Variants in SCP2 observed in about 807,000 individuals in gnomAD.
SCP2 encodes SCP-2/3-oxoacyl-CoA thiolase.
Under a neutral mutation model 71.4 loss-of-function variants are expected in SCP2, and 48 were observed. The ratio of observed to expected loss-of-function variants is 0.67; its 90% CI spans 0.53 to 0.86. The LOEUF is 0.86. Ranked by LOEUF, SCP2 falls within the 40% of genes least tolerant of loss-of-function variation. SCP2 has a pLI of 0.00. For missense variants in SCP2, 560 were observed against 655.6 expected (o/e 0.85, Z 1.59); for synonymous variants, 220 against 218.1 (o/e 1.01, Z -0.08).
At chr1:53,010,277 G>A (rs1486704295) in intron 11 of SCP2, among the ~76,000 whole-genome samples, 4 of 152,022 alleles carry the variant, frequency 2.6e-5, no homozygotes, top group Admixed American at 6.6e-5. Flanking sequence ...CCCATTACTG[G>A]GTATATACCC....
chr1:52,995,607 A>G (rs1035740580), intron 11 of SCP2: 4 of 546,944 alleles, frequency 7.3e-6, no homozygotes, highest in African/African-American at 5.6e-5. Flanking sequence ...TGCCAAGAAC[A>G]TAATGAGACC....
chr1:53,047,773 T>C (rs1663927672), intron 14 of SCP2, 85 bp from the exon 15 acceptor site: 1 of 888,720 alleles, frequency 1.1e-6, no homozygotes, highest in Non-Finnish European at 1.9e-6. Context: ...TATAATTCTG[T>C]TGCAGTCAGT....
intron 12 of SCP2, among the ~76,000 whole-genome samples, chr1:53,026,229 C>T (rs1450529232): frequency 1.3e-5 from 2 of 152,120 alleles, no homozygotes; most frequent in Non-Finnish European, 2.9e-5. Flanking sequence ...TATCCATCAC[C>T]TTAAATATTT....
intron 11 of SCP2, among the ~76,000 whole-genome samples, chr1:52,998,179 C>T (rs569145459): frequency 6.6e-6 from 1 of 152,262 alleles, no homozygotes; most frequent in African/African-American, 2.4e-5. Flanking sequence ...CTGTTTAGGG[C>T]TGCATGAATA....
chr1:52,994,187 G>A (rs1275711289), intron 11 of SCP2: 9 of 1,033,642 alleles, frequency 8.7e-6, no homozygotes, highest in Non-Finnish European at 9.3e-6. Context: ...ATGGGACATG[G>A]AGATGTCTGG....
At chr1:53,016,429 T>G (rs762882980) in intron 12 of SCP2, among the ~76,000 whole-genome samples, 97 of 152,162 alleles carry the variant, frequency 6.4e-4, no homozygotes, top group Non-Finnish European at 1.2e-3. Flanking sequence ...GAGTAAAAAG[T>G]ATTGAATCTT....
Position 52,980,399 on chromosome 1 carries a change from G to A in SCP2, c.829G>A (p.Gly277Ser). ...TTATATATGGTTTTGGTTTTAGGTTGGCTTTGATATGAGTAAAGAAGCTGC... is the reference window on the plus strand; with the variant it reads ...TTATATATGGTTTTGGTTTTAGGTTAGCTTTGATATGAGTAAAGAAGCTGC... Reference protein sequence around the residue: ...FEEKSIIKMVGFDMSKEAARK... With the variant: ...FEEKSIIKMVSFDMSKEAARK... Residue 277 changes from glycine to serine, a missense_variant, in exon 10 of 16, where the codon GGC becomes AGC. Coordinates refer to ENST00000371514, the MANE Select transcript of SCP2 (RefSeq NM_002979.5). The A allele has an allele frequency of 2.5e-6, 4 of 1,613,826 alleles. No homozygotes were observed. Among genetic ancestry groups the A allele is most frequent in the Non-Finnish European group, 3.4e-6 (4 of 1,179,914 alleles).
At chr1:52,963,821 C>T (rs1041998674) in intron 6 of SCP2, 4 of 152,136 alleles carry the variant, frequency 2.6e-5, no homozygotes, top group Admixed American at 6.5e-5. Context: ...CCCAAATCTG[C>T]CATACTATAA....
In SCP2 at chr1:52,978,042, G is replaced by A. The variant is rs534239868; in HGVS notation, c.675-175G>A. ...GACAACATTTAAGTTCTTGATAGAG[G>A]TTCAGTCCTCAGGTGGGAAGCATGT... is the stretch of plus-strand genomic sequence containing the variant. On this transcript the variant is annotated intron_variant, in intron 8 of 15. Coordinates refer to ENST00000371514, the MANE Select transcript of SCP2 (RefSeq NM_002979.5). Among the ~76,000 whole-genome samples, 12 of 152,242 alleles carry A rather than the reference G, an allele frequency of 7.9e-5. No homozygotes were observed. The South Asian group carries it at 2.5e-3, about 32-fold the overall frequency.
intron 11 of SCP2, 80 bp from the exon 12 acceptor site, chr1:53,014,810 A>T: frequency 1.3e-6 from 2 of 1,516,062 alleles, no homozygotes; most frequent in South Asian, 2.3e-5. Flanking sequence ...CAAATGCTTT[A>T]ATTTAAAGTC....
In SCP2 at chr1:53,012,854, G is replaced by A. The variant is rs1167986705; in HGVS notation, c.1082-2036G>A. Among the ~76,000 whole-genome samples the A allele has an allele frequency of 1.3e-5, 2 of 152,060 alleles. 1 individual carries two copies. The highest frequency in any genetic ancestry group is 4.8e-5 in the African/African-American group (2 of 41,330). ...TGGTATCTATTTGATTTTTATCAAT[G>A]GTGAGATTGAGTATTTTCTCAAATA... is the stretch of plus-strand genomic sequence containing the variant. On this transcript the variant is annotated intron_variant, in intron 11 of 15. Transcript: ENST00000371514.
At chr1:53,018,503 A>G (rs1419232721) in intron 12 of SCP2, among the ~76,000 whole-genome samples, 1 of 152,130 alleles carries the variant, frequency 6.6e-6, no homozygotes, top group Non-Finnish European at 1.5e-5. Context: ...GCACTTTGGG[A>G]GGCTGAGGCG....
Position 52,994,277 on chromosome 1 carries a change from A to G in SCP2, c.1081+6141A>G, listed in dbSNP as rs1053071788. On this transcript the variant is annotated intron_variant, in intron 11 of 15. Coordinates refer to ENST00000371514, the MANE Select transcript of SCP2 (RefSeq NM_002979.5). The stretch of plus-strand genomic sequence containing the variant: ...TAGTTTGTGTGTAAAGAAGTGACTT[A>G]AATCCTCCTTTCAGACAGCTTCCTT... The G allele has an allele frequency of 4.0e-6, 4 of 999,132 alleles. No individual in the cohort carries two copies. In the Admixed American group the frequency reaches 2.2e-4, roughly 55 times the overall value. The allele number at this position is 999,132 out of a possible 1,614,324, so 61.9% of individuals were successfully genotyped here.
At chr1:52,930,268 A>G (rs548026495) in intron 1 of SCP2, among the ~76,000 whole-genome samples, 1 of 152,274 alleles carries the variant, frequency 6.6e-6, no homozygotes, top group East Asian at 1.9e-4. Flanking sequence ...CAATTTGTTA[A>G]AGCAACGCTT....
intron 10 of SCP2, among the ~76,000 whole-genome samples, chr1:52,987,198 A>G (rs958593091): frequency 2.0e-5 from 3 of 152,046 alleles, no homozygotes; most frequent in East Asian, 1.9e-4. Context: ...GGCATCAGCC[A>G]TGGTGCCCTG....
intron 11 of SCP2, among the ~76,000 whole-genome samples, chr1:53,003,990 G>A (rs1053937828): frequency 6.6e-6 from 1 of 152,094 alleles, no homozygotes; most frequent in Non-Finnish European, 1.5e-5. Flanking sequence ...CTCCTCTTGC[G>A]CTTTGGGGCC....
chr1:52,969,047 T>A (rs1255703876), intron 6 of SCP2, among the ~76,000 whole-genome samples: 1 of 151,658 alleles, frequency 6.6e-6, no homozygotes, highest in African/African-American at 2.4e-5. Flanking sequence ...TCTTCATCAT[T>A]TTCTTGTTGA....
chr1:52,944,039 GT>G, intron 2 of SCP2: 1 of 190,750 alleles, frequency 5.2e-6, no homozygotes, highest in Non-Finnish European at 1.1e-5. Flanking sequence ...CTAAATAAAT[GT>G]TTTGGTTTGG....
intron 1 of SCP2, among the ~76,000 whole-genome samples, chr1:52,935,998 G>C (rs953360882): frequency 2.0e-5 from 3 of 151,868 alleles, no homozygotes; most frequent in Non-Finnish European, 2.9e-5. Flanking sequence ...ACATGTCTGT[G>C]TTAGGTCACA....
Sources: gnomAD v4.1 joint callset for allele counts (sites outside exome capture counted in the v4.1 genomes callset) on GRCh38, gnomAD v4.1.1 for gene constraint, MANE v1.5 for transcripts, NCBI Gene and HGNC (gene_info 2026-07-23, HGNC 2026-07-21) for gene names.